Variants in MRC1 observed in about 807,000 individuals in gnomAD.
The protein encoded by MRC1 is macrophage mannose receptor 1.
MRC1 carries 62 observed loss-of-function variants against 102.9 expected under a neutral mutation model. The observed-to-expected ratio is 0.60, with a 90% CI of 0.49 to 0.74. The LOEUF (loss-of-function observed/expected upper bound fraction) is 0.74, where lower values mean the gene tolerates loss of function less well. Ranked by LOEUF, MRC1 falls within the 30% of genes least tolerant of loss-of-function variation. MRC1 has a pLI of 0.00. For missense variants in MRC1, 1,237 were observed against 862.8 expected (o/e 1.43, Z -5.43); for synonymous variants, 457 against 298.4 (o/e 1.53, Z -5.48).
intron 2 of MRC1, among the ~76,000 whole-genome samples, chr10:17,826,729 A>G (rs1234879199): frequency 6.6e-6 from 1 of 152,226 alleles, no homozygotes; most frequent in Admixed American, 6.5e-5. Flanking sequence ...ATCAACAATG[A>G]TTCTGTGTTT....
chr10:17,866,467 G>T (rs1833269138), intron 11 of MRC1, 95 bp from the exon 12 acceptor site: 2 of 779,250 alleles, frequency 2.6e-6, no homozygotes, highest in South Asian at 2.7e-5. Flanking sequence ...TTGGGCATCA[G>T]AACCCTGATG....
At chr10:17,828,869 T>A in intron 3 of MRC1, among the ~76,000 whole-genome samples, 1 of 151,452 alleles carries the variant, frequency 6.6e-6, no homozygotes, top group East Asian at 1.9e-4. Flanking sequence ...GTGAAGCACA[T>A]TTTAGGTGGA....
chr10:17,883,534 T>TTCTA (rs1833548006), intron 21 of MRC1, among the ~76,000 whole-genome samples: 1 of 152,170 alleles, frequency 6.6e-6, no homozygotes, highest in Non-Finnish European at 1.5e-5. Context: ...TAGCTGCCTC[T>TTCTA]TCTACTCTGC....
chr10:17,868,764 G>A (rs1374918315), intron 12 of MRC1, among the ~76,000 whole-genome samples: 3 of 152,136 alleles, frequency 2.0e-5, no homozygotes, highest in Admixed American at 6.5e-5. Context: ...AATTGAGCTG[G>A]TCACTCCCAC....
chr10:17,825,832 G>T (rs1356792230), intron 2 of MRC1, among the ~76,000 whole-genome samples: 1 of 152,206 alleles, frequency 6.6e-6, no homozygotes, highest in Non-Finnish European at 1.5e-5. Flanking sequence ...TAACCCCAAG[G>T]TGGTCTTGAC....
intron 6 of MRC1, among the ~76,000 whole-genome samples, chr10:17,848,347 A>G (rs1051426545): frequency 1.1e-4 from 16 of 152,314 alleles, no homozygotes; most frequent in African/African-American, 3.6e-4. Flanking sequence ...TATAACTTCA[A>G]TTCTTTTTCT....
chr10:17,877,351 A>T (rs1479282647), intron 17 of MRC1, among the ~76,000 whole-genome samples: 1 of 148,536 alleles, frequency 6.7e-6, no homozygotes, highest in East Asian at 1.9e-4. Flanking sequence ...TATGTAATAC[A>T]TGTATAATAT....
chr10:17,821,396 C>T (rs1332803224), intron 1 of MRC1, among the ~76,000 whole-genome samples: 1 of 152,118 alleles, frequency 6.6e-6, no homozygotes, highest in African/African-American at 2.4e-5. Context: ...TGAAATCTAC[C>T]ACCTTTACCC....
At chr10:17,870,475 G>T in intron 13 of MRC1, 102 bp downstream of exon 13, 1 of 775,306 alleles carries the variant, frequency 1.3e-6, no homozygotes, top group Admixed American at 1.7e-5. Context: ...CAGGATGCTA[G>T]TTTGAGCACC....
In MRC1 at chr10:17,898,043, T is replaced by C; in HGVS notation, c.3260T>C (p.Leu1087Ser). The change falls in exon 24 of 30, where the codon TTG becomes TCG. Residue 1087 changes from leucine (L) to serine (S), a missense_variant. Transcript: ENST00000569591. ...YICQTRSDPS[L>S]TNPPATIQTD... ...TAATGTTTTTATCTAGACCCTTCCTTGACTAATCCTCCAGCAACGATTCAA... is the reference window on the plus strand; with the variant it reads ...TAATGTTTTTATCTAGACCCTTCCTCGACTAATCCTCCAGCAACGATTCAA... The C allele has an allele frequency of 1.3e-6, 1 of 780,834 alleles. No homozygotes were observed. Among genetic ancestry groups the C allele is most frequent in the South Asian group, 1.3e-5 (1 of 74,614 alleles). 48.4% of individuals were successfully genotyped at this position (780,834 alleles called of 1,614,324 possible).
chr10:17,839,237 C>A (rs577887307), intron 4 of MRC1, among the ~76,000 whole-genome samples: 1 of 152,288 alleles, frequency 6.6e-6, no homozygotes, highest in Admixed American at 6.5e-5. Flanking sequence ...ATTATCATTT[C>A]TCATGATGCC....
At chr10:17,885,080 A>AAAG (rs1833573611) in intron 21 of MRC1, among the ~76,000 whole-genome samples, 189 bp from the exon 22 acceptor site, 1 of 152,244 alleles carries the variant, frequency 6.6e-6, no homozygotes, top group Admixed American at 6.5e-5. Context: ...GAAACTTTTC[A>AAAG]AAGTCCAAAG....
intron 24 of MRC1, among the ~76,000 whole-genome samples, chr10:17,899,235 A>T (rs1554843565): frequency 2.0e-5 from 3 of 152,194 alleles, no homozygotes; most frequent in Non-Finnish European, 4.4e-5. Flanking sequence ...GGAAGTGTGT[A>T]TTTAAAAGTA....
At chr10:17,857,191 C>G (rs1164405387) in intron 9 of MRC1, among the ~76,000 whole-genome samples, 3 of 152,146 alleles carry the variant, frequency 2.0e-5, no homozygotes, top group Admixed American at 1.3e-4. Flanking sequence ...CACAAAGGAC[C>G]TGGGTGATTT....
intron 26 of MRC1, among the ~76,000 whole-genome samples, chr10:17,903,518 C>T (rs1453771760): frequency 1.3e-5 from 2 of 150,680 alleles, no homozygotes; most frequent in Non-Finnish European, 2.9e-5. Context: ...GTCTCAGCCT[C>T]CCAAGTAGCT....
At chr10:17,905,648 C>G (rs1324323063) in intron 26 of MRC1, among the ~76,000 whole-genome samples, 1 of 151,626 alleles carries the variant, frequency 6.6e-6, no homozygotes, top group Non-Finnish European at 1.5e-5. Flanking sequence ...TTTGAAACGG[C>G]TAATGTTTGT....
chr10:17,886,664 A>C (rs1223830871), intron 22 of MRC1, among the ~76,000 whole-genome samples: 4 of 152,186 alleles, frequency 2.6e-5, no homozygotes, highest in African/African-American at 9.7e-5. Context: ...GGCCTCCCAA[A>C]GTGCTGGGAT....
At chr10:17,891,874 T>G (rs1554843144) in intron 22 of MRC1, among the ~76,000 whole-genome samples, 2 of 152,114 alleles carry the variant, frequency 1.3e-5, no homozygotes, top group Admixed American at 1.3e-4. Flanking sequence ...CCCAAGGATA[T>G]GGTGGTAAGA....
rs985728110 is a variant in MRC1, at chr10:17,894,311, C to T, written c.3249C>T (p.Ser1083=). Residue 1083 remains serine (S), a splice_region_variant and synonymous_variant, in exon 23 of 30, where the codon TCC becomes TCT. Transcript: ENST00000569591. ...SKRGYICQTR[S]DPSLTNPPAT... ...GAGGCTACATATGCCAGACACGATCCGGTAAGTTCTACCAAACCTTACCTT... is the reference window on the plus strand; with the variant it reads ...GAGGCTACATATGCCAGACACGATCTGGTAAGTTCTACCAAACCTTACCTT... 67 of 871,792 alleles carry T rather than the reference C, an allele frequency of 7.7e-5. 1 individual carries two copies. The highest frequency in any genetic ancestry group is 3.7e-4 in the South Asian group (28 of 76,518). The allele number at this position is 871,792 out of a possible 1,614,324, so 54.0% of individuals were successfully genotyped here.
Sources: gnomAD v4.1 joint callset for allele counts (sites outside exome capture counted in the v4.1 genomes callset) on GRCh38, gnomAD v4.1.1 for gene constraint, MANE v1.5 for transcripts, NCBI Gene and HGNC (gene_info 2026-07-23, HGNC 2026-07-21) for gene names.